The following CCDC60 variants were observed in gnomAD, a reference collection of about 807,000 sequenced individuals.
CCDC60 encodes the protein coiled-coil domain-containing protein 60.
CCDC60 carries 54 observed loss-of-function variants against 63.5 expected under a neutral mutation model. That is an observed-to-expected ratio of 0.85 (90% confidence interval 0.68 to 1.07). The LOEUF is 1.07. Among genes scored for constraint, CCDC60 ranks in the 50% least tolerant of loss-of-function variants. The pLI, the probability that CCDC60 is intolerant of heterozygous loss-of-function variation, is 0.00. For missense variants in CCDC60, 651 were observed against 684.3 expected (o/e 0.95, Z 0.54); for synonymous variants, 206 against 238.8 (o/e 0.86, Z 1.27).
intron 4 of CCDC60, among the ~76,000 whole-genome samples, chr12:119,486,379 A>G (rs900439600): frequency 1.3e-5 from 2 of 152,176 alleles, no homozygotes; most frequent in Non-Finnish European, 2.9e-5. Context: ...TCTACAAAAA[A>G]AAATAAAAAT....
In CCDC60 at chr12:119,505,123, C is replaced by T. The variant is rs1391114829; in HGVS notation, c.703C>T (p.Arg235Ter). Residue 235 changes from arginine to a stop codon, truncating the protein, a stop_gained, in exon 7 of 14, where the codon CGA becomes TGA. Transcript: ENST00000327554. LOFTEE classifies it high-confidence loss of function. ...AGTCACCAACCGCAAACCAAGCCGG[C>T]GAGGCTCCACACTCAGTCTGAGTCG... The part of the protein sequence containing the change: ...MRVTNRKPSR[R>*]GSTLSLSRAS... The T allele has an allele frequency of 6.8e-6, 11 of 1,612,378 alleles. No individual in the cohort carries two copies. In the Admixed American group the frequency reaches 8.3e-5, roughly 12 times the overall value.
chr12:119,426,286 A>ATGTTT (rs995237547), intron 1 of CCDC60, among the ~76,000 whole-genome samples: 2 of 151,870 alleles, frequency 1.3e-5, no homozygotes, highest in African/African-American at 4.8e-5. Flanking sequence ...AGCCATCCAT[A>ATGTTT]TGTTTTGTTT....
chr12:119,507,990 A>G (rs948165051), intron 7 of CCDC60, among the ~76,000 whole-genome samples: 8 of 151,954 alleles, frequency 5.3e-5, no homozygotes, highest in Non-Finnish European at 1.2e-4. Context: ...CAAAATAGTG[A>G]GACCCCATCT....
intron 9 of CCDC60, 91 bp downstream of exon 9, chr12:119,520,283 A>T: frequency 9.2e-7 from 1 of 1,083,362 alleles, no homozygotes; most frequent in Non-Finnish European, 1.4e-6. Flanking sequence ...CAGACCATGG[A>T]AAGTGGGACA....
chr12:119,398,143 G>A lies in CCDC60; in HGVS notation c.91-30540G>A, dbSNP rs557969606. Among the ~76,000 whole-genome samples, 142 of 145,752 alleles carry A rather than the reference G, an allele frequency of 9.7e-4. 1 individual carries two copies. Among genetic ancestry groups the A allele is most frequent in the African/African-American group, 3.4e-3 (132 of 39,290 alleles). ...GGGTGGCAGAGGGGAGGAGGAAGGCGGGGGGCTCAGGCATGGCGGGCTGCA... is the reference window on the plus strand; with the variant it reads ...GGGTGGCAGAGGGGAGGAGGAAGGCAGGGGGCTCAGGCATGGCGGGCTGCA... On this transcript the variant is annotated intron_variant, in intron 1 of 13. Coordinates refer to ENST00000327554, the MANE Select transcript of CCDC60 (RefSeq NM_178499.5).
chr12:119,472,165 G>A lies in CCDC60; in HGVS notation c.341+1G>A. The A allele has an allele frequency of 2.5e-6, 4 of 1,613,514 alleles. No homozygotes were observed. Among genetic ancestry groups the A allele is most frequent in the East Asian group, 2.2e-5 (1 of 44,884 alleles). On this transcript the variant is annotated splice_donor_variant, in intron 3 of 13. Transcript: ENST00000327554. LOFTEE classifies it high-confidence loss of function. ...TCCACTATGGGGACACCTTATTGAGGTAAGTGGATGCAGTAGCTGTGGCAC... is the reference window on the plus strand; with the variant it reads ...TCCACTATGGGGACACCTTATTGAGATAAGTGGATGCAGTAGCTGTGGCAC...
intron 2 of CCDC60, among the ~76,000 whole-genome samples, chr12:119,431,771 C>T (rs1015631962): frequency 1.2e-4 from 18 of 152,136 alleles, no homozygotes; most frequent in East Asian, 3.9e-4. Flanking sequence ...CTCCGCCTCC[C>T]GGGTTCACGC....
At chr12:119,538,499 G>A (rs1429956370) in intron 13 of CCDC60, among the ~76,000 whole-genome samples, 2 of 152,174 alleles carry the variant, frequency 1.3e-5, no homozygotes, top group African/African-American at 2.4e-5. Flanking sequence ...CTTCTGCATC[G>A]ATCATGCTGG....
At chr12:119,365,820 C>G (rs1399638133) in intron 1 of CCDC60, among the ~76,000 whole-genome samples, 3 of 152,174 alleles carry the variant, frequency 2.0e-5, no homozygotes, top group African/African-American at 2.4e-5. Context: ...AGCGGAAGCT[C>G]TCTTTGATAG....
intron 1 of CCDC60, among the ~76,000 whole-genome samples, chr12:119,367,599 G>A (rs1955853600): frequency 6.6e-6 from 1 of 152,160 alleles, no homozygotes; most frequent in Admixed American, 6.5e-5. Context: ...ACAATGTAGA[G>A]GTCAACATGA....
chr12:119,414,694 G>C (rs1956669206), intron 1 of CCDC60, among the ~76,000 whole-genome samples: 1 of 152,102 alleles, frequency 6.6e-6, no homozygotes, highest in African/African-American at 2.4e-5. Context: ...AGGGCTACAG[G>C]TGCATGCCAC....
At chr12:119,353,516 TTC>T (rs903359018) in intron 1 of CCDC60, among the ~76,000 whole-genome samples, 31 of 151,426 alleles carry the variant, frequency 2.0e-4, no homozygotes, top group Non-Finnish European at 4.1e-4. Flanking sequence ...CTGTCTGTAT[TTC>T]TCTCTCTCTG....
At chr12:119,408,565 T>G (rs1162435382) in intron 1 of CCDC60, among the ~76,000 whole-genome samples, 2 of 152,218 alleles carry the variant, frequency 1.3e-5, no homozygotes, top group Non-Finnish European at 2.9e-5. Flanking sequence ...GGCTCACACC[T>G]GTAATCTCAG....
At chr12:119,538,504 T>C (rs1593235478) in intron 13 of CCDC60, among the ~76,000 whole-genome samples, 1 of 152,334 alleles carries the variant, frequency 6.6e-6, no homozygotes, top group South Asian at 2.1e-4. Context: ...GCATCGATCA[T>C]GCTGGGAGCT....
intron 1 of CCDC60, among the ~76,000 whole-genome samples, chr12:119,354,954 T>A (rs1401784483): frequency 4.6e-5 from 7 of 152,176 alleles, no homozygotes; most frequent in African/African-American, 1.7e-4. Flanking sequence ...AGAGTAACCT[T>A]GCAGGGCATC....
chr12:119,517,391 T>C (rs1412755731), intron 8 of CCDC60, among the ~76,000 whole-genome samples: 1 of 152,212 alleles, frequency 6.6e-6, no homozygotes, highest in African/African-American at 2.4e-5. Flanking sequence ...TTTGAGTGAA[T>C]ATTTATGAAC....
intron 1 of CCDC60, among the ~76,000 whole-genome samples, chr12:119,344,853 TCTCACACACA>T (rs1266919614): frequency 6.7e-5 from 7 of 104,184 alleles, no homozygotes; most frequent in South Asian, 9.0e-4. Context: ...TCTCTCTCTC[TCTCACACACA>T]CACACACACA....
intron 7 of CCDC60, among the ~76,000 whole-genome samples, chr12:119,513,550 T>G (rs966808641): frequency 1.3e-5 from 2 of 152,228 alleles, no homozygotes; most frequent in Admixed American, 6.5e-5. Context: ...TCTTTCCTAC[T>G]TATAAGGACA....
intron 8 of CCDC60, 96 bp downstream of exon 8, chr12:119,516,803 C>T (rs1033121165): frequency 1.0e-5 from 8 of 764,138 alleles, no homozygotes; most frequent in African/African-American, 1.7e-5. Flanking sequence ...TTCTCTGTGA[C>T]AGGCACTGAG....
Sources: allele counts gnomAD v4.1 joint callset (sites outside exome capture counted in the v4.1 genomes callset), GRCh38; gene constraint gnomAD v4.1.1; transcripts MANE v1.5; gene names NCBI Gene and HGNC (gene_info 2026-07-23, HGNC 2026-07-21).